PTPRK: variants seen among roughly 807,000 people sequenced by gnomAD.
PTPRK encodes the protein receptor-type tyrosine-protein phosphatase kappa.
PTPRK carries 75 observed loss-of-function variants against 178.0 expected under a neutral mutation model. The observed-to-expected ratio is 0.42, with a 90% CI of 0.35 to 0.51. The LOEUF (loss-of-function observed/expected upper bound fraction) is 0.51. Among genes scored for constraint, PTPRK ranks in the 20% least tolerant of loss-of-function variants. The pLI is 0.02. For synonymous variants in PTPRK, 637 were observed against 620.6 expected, an observed-to-expected ratio of 1.03 and a Z score of -0.39; for missense variants, 1,441 against 1,797.8, an observed-to-expected ratio of 0.80 and a Z score of 3.59.
chr6:128,278,304 A>G (rs959407007), intron 3 of PTPRK, among the ~76,000 whole-genome samples: 2 of 151,854 alleles, frequency 1.3e-5, no homozygotes, highest in Admixed American at 6.6e-5. Flanking sequence ...TTACAGGTGC[A>G]CACCACCACG....
intron 7 of PTPRK, among the ~76,000 whole-genome samples, chr6:128,171,791 A>C (rs1007181253): frequency 6.6e-6 from 1 of 151,960 alleles, no homozygotes; most frequent in Admixed American, 6.6e-5. Flanking sequence ...CATTAGATCA[A>C]TTCTTGATGT....
chr6:128,101,666 A>G (rs1183321956), intron 7 of PTPRK, among the ~76,000 whole-genome samples: 1 of 152,110 alleles, frequency 6.6e-6, no homozygotes, highest in Non-Finnish European at 1.5e-5. Flanking sequence ...TCCTAGGATG[A>G]ACAAAATACA....
At chr6:127,990,955 C>A in intron 20 of PTPRK, 70 bp from the exon 21 acceptor site, 1 of 886,188 alleles carries the variant, frequency 1.1e-6, no homozygotes, top group Non-Finnish European at 1.8e-6. Flanking sequence ...GATTTAATTC[C>A]AGCAATAACT....
At chr6:128,265,394 A>T (rs915902318) in intron 3 of PTPRK, among the ~76,000 whole-genome samples, 1 of 152,166 alleles carries the variant, frequency 6.6e-6, no homozygotes, top group Non-Finnish European at 1.5e-5. Flanking sequence ...GTCATTTGCT[A>T]ACAAACACAT....
intron 7 of PTPRK, among the ~76,000 whole-genome samples, chr6:128,108,118 A>ACACACACACAC: frequency 2.0e-5 from 3 of 148,156 alleles, no homozygotes; most frequent in Admixed American, 1.3e-4. Context: ...ACACACACAC[A>ACACACACACAC]AATTTCACTC....
intron 12 of PTPRK, among the ~76,000 whole-genome samples, chr6:128,067,093 A>G (rs10046162): frequency 0.053 from 8,011 of 152,238 alleles, 548 homozygotes; most frequent in African/African-American, 0.15. Flanking sequence ...AAAGTTTATA[A>G]GGTTTTATTA....
chr6:128,239,061 C>T (rs1359896535), intron 5 of PTPRK, among the ~76,000 whole-genome samples: 3 of 149,436 alleles, frequency 2.0e-5, no homozygotes, highest in Admixed American at 2.0e-4. Context: ...CTACTTTCAC[C>T]TATCTAAAGG....
intron 2 of PTPRK, among the ~76,000 whole-genome samples, chr6:128,393,637 G>C (rs2128366312): frequency 6.6e-6 from 1 of 152,180 alleles, no homozygotes; most frequent in Non-Finnish European, 1.5e-5. Flanking sequence ...AGAGGGAAAA[G>C]AACAATACAA....
chr6:128,237,402 A>G (rs982166612), intron 5 of PTPRK, among the ~76,000 whole-genome samples: 2 of 152,188 alleles, frequency 1.3e-5, no homozygotes, highest in Non-Finnish European at 2.9e-5. Flanking sequence ...CAGTACTAGC[A>G]GCAGATATTT....
Position 128,184,463 on chromosome 6 carries a change from T to C in PTPRK, c.1131A>G (p.Gly377=). The C allele has an allele frequency of 6.2e-7, 1 of 1,613,548 alleles. No individual in the cohort carries two copies. The highest frequency in any genetic ancestry group is 8.5e-7 in the Non-Finnish European group (1 of 1,179,736). ...ATTTTGTTCTGGTGATTAGTGGAGG[T>C]CCTGGGAGCCCCGTTCCACCTTCAC... ...RPGEGGTGLP[G]PPLITRTKCA... Residue 377 remains glycine, a synonymous_variant, in exon 7 of 30, where the codon GGA becomes GGG. Transcript: ENST00000368226.
chr6:128,240,336 C>T (rs575174345), intron 4 of PTPRK, among the ~76,000 whole-genome samples, 186 bp from the exon 5 acceptor site: 3 of 152,214 alleles, frequency 2.0e-5, no homozygotes, highest in African/African-American at 7.2e-5. Context: ...TCTCATAGTT[C>T]TCTTTTTCTC....
chr6:128,033,761 C>A (rs1883810), intron 13 of PTPRK, among the ~76,000 whole-genome samples: 1 of 151,720 alleles, frequency 6.6e-6, no homozygotes, highest in Non-Finnish European at 1.5e-5. Context: ...TCTGTGGTTC[C>A]AGCTACCTGA....
At chr6:128,251,390 T>TA (rs1816438329) in intron 3 of PTPRK, among the ~76,000 whole-genome samples, 1 of 152,188 alleles carries the variant, frequency 6.6e-6, no homozygotes, top group Non-Finnish European at 1.5e-5. Flanking sequence ...ATCTAACCCC[T>TA]AAGTAATTTC....
intron 7 of PTPRK, among the ~76,000 whole-genome samples, chr6:128,097,711 A>G (rs549227368): frequency 6.8e-4 from 103 of 152,310 alleles, no homozygotes; most frequent in African/African-American, 2.3e-3. Flanking sequence ...TCACATTCAC[A>G]TGTTATTTAA....
chr6:128,064,631 C>G, intron 13 of PTPRK, 127 bp downstream of exon 13: 1 of 1,216,016 alleles, frequency 8.2e-7, no homozygotes, highest in Admixed American at 3.0e-5. Context: ...TTAAAGACAC[C>G]CACATGAGTC....
At chr6:128,038,098 T>C (rs1776526561) in intron 13 of PTPRK, among the ~76,000 whole-genome samples, 1 of 152,148 alleles carries the variant, frequency 6.6e-6, no homozygotes. Flanking sequence ...TATCAAAACA[T>C]CTGGTAAGCA....
chr6:128,179,795 C>T (rs1384643750), intron 7 of PTPRK, among the ~76,000 whole-genome samples: 1 of 151,922 alleles, frequency 6.6e-6, no homozygotes, highest in South Asian at 2.1e-4. Flanking sequence ...AGACTAAAGG[C>T]TAAAATTTAA....
intron 6 of PTPRK, among the ~76,000 whole-genome samples, chr6:128,195,216 G>A (rs767609708): frequency 6.6e-6 from 1 of 151,806 alleles, no homozygotes; most frequent in African/African-American, 2.4e-5. Context: ...TAGTTGTAAC[G>A]AAACCTAATC....
At chr6:128,262,857 C>CAAAAAAAAAAAAAAAA (rs747334195) in intron 3 of PTPRK, among the ~76,000 whole-genome samples, 11 of 75,108 alleles carry the variant, frequency 1.5e-4, no homozygotes, top group African/African-American at 4.6e-4. Context: ...AACCAATAAC[C>CAAAAAAAAAAAAAAAA]AAAAAAAAAA....
Sources: allele counts gnomAD v4.1 joint callset (sites outside exome capture counted in the v4.1 genomes callset), GRCh38; gene constraint gnomAD v4.1.1; transcripts MANE v1.5; gene names NCBI Gene and HGNC (gene_info 2026-07-23, HGNC 2026-07-21).